The following RBFOX3 variants were observed in gnomAD, a reference collection of about 807,000 sequenced individuals.
RBFOX3 encodes the protein RNA binding fox-1 homolog 3.
In RBFOX3, 17 loss-of-function variants were observed where a neutral mutation model predicts 48.7. The observed-to-expected ratio is 0.35, with a 90% CI of 0.24 to 0.52. The LOEUF (loss-of-function observed/expected upper bound fraction) is 0.52. Ranked by LOEUF, RBFOX3 falls within the 20% of genes least tolerant of loss-of-function variation. The pLI, the probability that RBFOX3 is intolerant of heterozygous loss-of-function variation, is 0.94. For missense variants in RBFOX3, 382 were observed against 497.5 expected (o/e 0.77, Z 2.21); for synonymous variants, 212 against 209.5 (o/e 1.01, Z -0.10).
chr17:79,521,764 C>T (rs955726800), intron 1 of RBFOX3, among the ~76,000 whole-genome samples: 28 of 152,308 alleles, frequency 1.8e-4, no homozygotes, highest in African/African-American at 2.4e-4. Context: ...AATACATAGA[C>T]GCACACACAG....
At chr17:79,143,023 G>A (rs2042218892) in intron 4 of RBFOX3, among the ~76,000 whole-genome samples, 1 of 152,150 alleles carries the variant, frequency 6.6e-6, no homozygotes, top group Admixed American at 6.5e-5. Context: ...GTGGGCTGCT[G>A]TGTGAAGGAT....
intron 3 of RBFOX3, among the ~76,000 whole-genome samples, chr17:79,257,873 GC>G (rs1316013414): frequency 2.0e-5 from 3 of 152,080 alleles, no homozygotes; most frequent in Admixed American, 6.5e-5. Context: ...GAGCCACCAT[GC>G]CTGGTCTGTC....
At chr17:79,329,348 C>T (rs1028036360) in intron 2 of RBFOX3, among the ~76,000 whole-genome samples, 4 of 152,132 alleles carry the variant, frequency 2.6e-5, no homozygotes, top group Non-Finnish European at 5.9e-5. Context: ...ATCAAGGGCT[C>T]TTCACCCAAA....
the RBFOX3 span, among the ~76,000 whole-genome samples, chr17:79,635,918 A>G: frequency 6.6e-6 from 1 of 152,364 alleles, no homozygotes; most frequent in South Asian, 2.1e-4. Context: ...CCAGGATAGA[A>G]CAAGGTTCTG....
upstream of RBFOX3, among the ~76,000 whole-genome samples, chr17:79,615,741 T>C (rs1159781095): frequency 5.9e-5 from 9 of 151,982 alleles, no homozygotes; most frequent in African/African-American, 2.2e-4. Context: ...CATCAGGAGG[T>C]GGCCACAGGG....
In RBFOX3 at chr17:79,496,551, T is replaced by C. The variant is rs930175929; in HGVS notation, c.-319-13953A>G. Among the ~76,000 whole-genome samples the C allele has an allele frequency of 3.2e-4, 48 of 152,196 alleles. 1 individual carries two copies. Among genetic ancestry groups the C allele is most frequent in the African/African-American group, 1.1e-3 (47 of 41,448 alleles). ...AGATAGTCTTGCTGTGGGGGAATTC[T>C]AGCCACCAGGAGAAAGCTGCCCAGG... On this transcript the variant is annotated intron_variant, in intron 1 of 14. Transcript: ENST00000693108.
At chr17:79,587,089 T>C (rs9747400) in intron 1 of RBFOX3, among the ~76,000 whole-genome samples, 5,724 of 152,112 alleles carry the variant, frequency 0.038, 358 homozygotes, top group African/African-American at 0.13. Context: ...TCCCAAGAAG[T>C]CTGTAGCCAG....
At position 79,204,141 on chromosome 17, in the gene RBFOX3, T is replaced by C. The variant is rs1464710641; in HGVS notation, c.-34+31625A>G. Among the ~76,000 whole-genome samples, 1 of 152,150 alleles carries C rather than the reference T, an allele frequency of 6.6e-6. No individual in the cohort carries two copies. The highest frequency in any genetic ancestry group is 2.4e-5 in the African/African-American group (1 of 41,436). On this transcript the variant is annotated intron_variant, in intron 4 of 14. Coordinates refer to ENST00000693108, the MANE Select transcript of RBFOX3 (RefSeq NM_001350451.2). The surrounding 1 kb of genome is among the most constrained non-coding windows in gnomAD (Gnocchi z 4.5). Reference sequence around the variant, plus strand: ...GTCCCCCACTGAGAGCTGCCCCTACTTCCCCTACTGCCATGACAGCAATAG... The same window carrying C: ...GTCCCCCACTGAGAGCTGCCCCTACCTCCCCTACTGCCATGACAGCAATAG...
rs563794233 is a variant in RBFOX3 at position 79,138,638 on chromosome 17, C to A, written c.-33-22890G>T. ...CATAGCACGTGTTCACACCTCCTCA[C>A]CCACACACGCACATACACAGCACAT... is the stretch of plus-strand genomic sequence containing the variant. On this transcript the variant is annotated intron_variant, in intron 4 of 14. Transcript: ENST00000693108. Among the ~76,000 whole-genome samples, 8 of 147,310 alleles carry A rather than the reference C, an allele frequency of 5.4e-5. No individual in the cohort carries two copies. In the East Asian group the frequency reaches 1.6e-3, roughly 29 times the overall value.
intron 4 of RBFOX3, among the ~76,000 whole-genome samples, chr17:79,163,640 A>T (rs2047411206): frequency 1.3e-5 from 2 of 151,994 alleles, no homozygotes; most frequent in Admixed American, 1.3e-4. Flanking sequence ...CCCACCCAGC[A>T]CTGGGTGCAG....
At chr17:79,200,271 G>A (rs1599940382) in intron 4 of RBFOX3, among the ~76,000 whole-genome samples, 1 of 152,266 alleles carries the variant, frequency 6.6e-6, no homozygotes, top group East Asian at 1.9e-4. Context: ...CATCAGCAAG[G>A]TGGCCTGTGC....
intron 1 of RBFOX3, among the ~76,000 whole-genome samples, chr17:79,485,000 T>C (rs1241519955): frequency 3.3e-5 from 5 of 152,108 alleles, no homozygotes; most frequent in African/African-American, 1.2e-4. Context: ...TTGCTTTAAC[T>C]CTCAATATCA....
intron 2 of RBFOX3, among the ~76,000 whole-genome samples, chr17:79,457,215 A>G (rs1013397678): frequency 1.3e-5 from 2 of 152,144 alleles, no homozygotes; most frequent in African/African-American, 4.8e-5. Context: ...AGAATATTTC[A>G]GGGTTGATGG....
At chr17:79,591,882 CGTGTGGAGGGT>C (rs1423927952) in intron 1 of RBFOX3, among the ~76,000 whole-genome samples, 1 of 138,072 alleles carries the variant, frequency 7.2e-6, no homozygotes, top group Non-Finnish European at 1.5e-5. Context: ...GGCATGTGCA[CGTGTGGAGGGT>C]GTGTGGAGGG....
chr17:79,095,515 G>A lies in RBFOX3; in HGVS notation c.996C>T (p.Asp332=), dbSNP rs1011415330. 2 of 1,551,180 alleles carry A rather than the reference G, an allele frequency of 1.3e-6. No individual in the cohort carries two copies. The highest frequency in any genetic ancestry group is 1.4e-5 in the African/African-American group (1 of 73,062). The part of the protein sequence containing the change: ...QPAAAAAAYS[D]SYGRVYAAAD... ...ACAGTGCTGGCCCCCGGCCTCACCTGTCGCTGTAGGCTGCCGCCGCTGCAG... is the reference window on the plus strand; with the variant it reads ...ACAGTGCTGGCCCCCGGCCTCACCTATCGCTGTAGGCTGCCGCCGCTGCAG... Residue 332 remains aspartate, a splice_region_variant and synonymous_variant, in exon 13 of 15, where the codon GAC becomes GAT. Transcript: ENST00000693108.
intron 1 of RBFOX3, among the ~76,000 whole-genome samples, chr17:79,565,370 C>T (rs2092419675): frequency 6.7e-6 from 1 of 148,954 alleles, no homozygotes; most frequent in African/African-American, 2.5e-5. Flanking sequence ...GACAGAGACT[C>T]GCTCTGTTGC....
chr17:79,503,994 GGGTGGCAGGGTGCTCCA>G (rs782506895), intron 1 of RBFOX3, among the ~76,000 whole-genome samples: 48,506 of 150,238 alleles, frequency 0.32, 8,469 homozygotes, highest in South Asian at 0.4. Context: ...TGGGTGGGCG[GGGTGGCAGGGTGCTCCA>G]GGTGGCAGGG....
At chr17:79,258,303 A>T (rs2065204071) in intron 3 of RBFOX3, among the ~76,000 whole-genome samples, 2 of 152,220 alleles carry the variant, frequency 1.3e-5, no homozygotes, top group Non-Finnish European at 2.9e-5. Flanking sequence ...TACGCCGCAG[A>T]CACAGAGAAA....
intron 3 of RBFOX3, among the ~76,000 whole-genome samples, chr17:79,260,377 G>A (rs2065560184): frequency 6.6e-6 from 1 of 152,206 alleles, no homozygotes; most frequent in South Asian, 2.1e-4. Flanking sequence ...CACGTTCTGG[G>A]CCCTGAGTGG....
Sources: allele counts gnomAD v4.1 joint callset (sites outside exome capture counted in the v4.1 genomes callset), GRCh38; gene constraint gnomAD v4.1.1; non-coding constraint Gnocchi (gnomAD v3.1); transcripts MANE v1.5; gene names NCBI Gene and HGNC (gene_info 2026-07-23, HGNC 2026-07-21).